PRICKLE1: variants seen among roughly 807,000 people sequenced by gnomAD.
The protein encoded by PRICKLE1 is prickle-like protein 1.
In PRICKLE1, 14 loss-of-function variants were observed where a neutral mutation model predicts 70.2. The ratio of observed to expected loss-of-function variants is 0.20; its 90% CI spans 0.13 to 0.31. The LOEUF (loss-of-function observed/expected upper bound fraction) is 0.31. Among genes scored for constraint, PRICKLE1 ranks in the 10% least tolerant of loss-of-function variants. The pLI is 1.00. For missense variants in PRICKLE1, 821 were observed against 1,026.2 expected (o/e 0.80, Z 2.73); for synonymous variants, 357 against 379.9 (o/e 0.94, Z 0.70).
At chr12:42,559,606 G>GTATATATA (rs1202538313) in intron 1 of PRICKLE1, among the ~76,000 whole-genome samples, 3 of 110,688 alleles carry the variant, frequency 2.7e-5, no homozygotes, top group Non-Finnish European at 5.4e-5. Context: ...GTGTGTGTGT[G>GTATATATA]TATATATATA....
intron 1 of PRICKLE1, among the ~76,000 whole-genome samples, chr12:42,580,127 G>A (rs532281380): frequency 1.3e-5 from 2 of 151,948 alleles, no homozygotes; most frequent in African/African-American, 2.4e-5. Context: ...TGCCTGCCTC[G>A]GCCTCCCAAA....
At chr12:42,524,131 C>T (rs1186807803) in intron 1 of PRICKLE1, among the ~76,000 whole-genome samples, 1 of 152,196 alleles carries the variant, frequency 6.6e-6, no homozygotes, top group Non-Finnish European at 1.5e-5. Context: ...ACAGCAAGCA[C>T]ATGTACAAGC....
chr12:42,501,199 T>C (rs1179600393), intron 1 of PRICKLE1, among the ~76,000 whole-genome samples: 1 of 129,204 alleles, frequency 7.7e-6, no homozygotes, highest in Non-Finnish European at 1.8e-5. Flanking sequence ...GAGCCACCGC[T>C]CAAAACATAA....
At chr12:42,556,857 C>A (rs1430110626) in intron 1 of PRICKLE1, among the ~76,000 whole-genome samples, 5 of 152,130 alleles carry the variant, frequency 3.3e-5, no homozygotes, top group Non-Finnish European at 7.4e-5. Context: ...CTTTGCTCAA[C>A]AATTATTTCT....
chr12:42,542,139 C>G (rs1940128972), intron 1 of PRICKLE1, among the ~76,000 whole-genome samples: 1 of 152,196 alleles, frequency 6.6e-6, no homozygotes, highest in Admixed American at 6.5e-5. Flanking sequence ...TCCCTCATCA[C>G]TCTACGAACA....
chr12:42,576,830 T>C (rs545061397), intron 1 of PRICKLE1, among the ~76,000 whole-genome samples: 1 of 152,264 alleles, frequency 6.6e-6, no homozygotes, highest in South Asian at 2.1e-4. Context: ...GAAAAGTGAG[T>C]GATTTAATTA....
At chr12:42,561,681 C>T (rs1174897706) in intron 1 of PRICKLE1, among the ~76,000 whole-genome samples, 1 of 151,952 alleles carries the variant, frequency 6.6e-6, no homozygotes, top group African/African-American at 2.4e-5. Flanking sequence ...TTTTATTTTC[C>T]ATTTTAGATG....
In PRICKLE1 at chr12:42,589,603, A is replaced by C. The variant is rs1941046827; in HGVS notation, c.-187T>G. The C allele has an allele frequency of 6.6e-6, 1 of 152,664 alleles. No individual in the cohort carries two copies. The highest frequency in any genetic ancestry group is 2.4e-5 in the African/African-American group (1 of 41,392). The allele number at this position is 152,664 out of a possible 1,614,324, so 9.5% of individuals were successfully genotyped here. On this transcript the variant is annotated 5_prime_UTR_variant, in exon 1 of 8. Transcript: ENST00000345127. This position sits in a 1 kb window ranked among gnomAD's most constrained non-coding sequence, Gnocchi z 5.0. ...AGGGTGAGCAGCGCACGAACCATCC[A>C]GAGCCCAGAAAGTCTCCGTGCCGAC...
chr12:42,522,139 C>A (rs538285961), intron 1 of PRICKLE1, among the ~76,000 whole-genome samples: 1 of 152,218 alleles, frequency 6.6e-6, no homozygotes, highest in East Asian at 1.9e-4. Flanking sequence ...CCATGCCCAA[C>A]TAATTTTTGT....
At position 42,517,335 on chromosome 12, in the gene PRICKLE1, C is replaced by CA. The variant is rs1209509735; in HGVS notation, c.-48-44772dup. ...TTTTTTTTTTTTTTTTTTTTTGAGA[C>CA]AGAGTCTTGCTCTGTAGCCCAGGTT... On this transcript the variant is annotated intron_variant, in intron 1 of 7. Transcript: ENST00000345127. 2.8e-4 allele frequency among the ~76,000 whole-genome samples: 20 copies of CA among 72,286 alleles called. No homozygotes were observed. In the East Asian group the frequency reaches 5.8e-3, roughly 21 times the overall value. The allele number at this position is 72,286 out of a possible 152,430, so 47.4% of individuals were successfully genotyped here.
At chr12:42,544,406 T>C (rs1378514477) in intron 1 of PRICKLE1, among the ~76,000 whole-genome samples, 3 of 152,256 alleles carry the variant, frequency 2.0e-5, no homozygotes, top group African/African-American at 7.2e-5. Flanking sequence ...GTTGTATTTG[T>C]CATCTATCAT....
rs368664984 is a variant in PRICKLE1, at chr12:42,460,501, A to C, written c.1804T>G (p.Leu602Val). The C allele has an allele frequency of 1.8e-5, 29 of 1,613,616 alleles. No homozygotes were observed. Among genetic ancestry groups the C allele is most frequent in the Non-Finnish European group, 2.5e-5 (29 of 1,179,754 alleles). ...TCAGGCAGGATTTTCTCTGGACACA[A>C]CTCTGAACTTAGACTCTTTAAGGAC... ...AESLKSLSSE[L>V]CPEKILPEEK... Residue 602 changes from leucine (L) to valine (V), a missense_variant, in exon 8 of 8, where the codon TTG becomes GTG. Transcript: ENST00000345127.
intron 1 of PRICKLE1, among the ~76,000 whole-genome samples, chr12:42,477,504 A>G (rs61924380): frequency 0.047 from 1,185 of 25,468 alleles, 27 homozygotes; most frequent in Non-Finnish European, 0.056. Flanking sequence ...ATATATATAT[A>G]TATATATATA....
At chr12:42,580,676 C>A (rs1230343129) in intron 1 of PRICKLE1, among the ~76,000 whole-genome samples, 1 of 152,160 alleles carries the variant, frequency 6.6e-6, no homozygotes, top group Non-Finnish European at 1.5e-5. Context: ...CAAGTTTCTA[C>A]TATGCGCCAG....
rs71281675 is a variant in PRICKLE1, at chr12:42,545,856, GA to G, written c.-49+43608del. Among the ~76,000 whole-genome samples, 539 of 94,648 alleles carry G rather than the reference GA, an allele frequency of 5.7e-3. 5 individuals carry two copies. Among genetic ancestry groups the G allele is most frequent in the South Asian group, 0.051 (153 of 3,008 alleles). The allele number at this position is 94,648 out of a possible 152,430, so 62.1% of individuals were successfully genotyped here. A position where few individuals can be genotyped will look rare whatever the true frequency, so the allele number is the denominator to read the frequency against. ...CAGAGCAAGACTCCGTCTCAAAAAAGAAAAAAAAAAAATATATATATGGAAG... is the reference window on the plus strand; with the variant it reads ...CAGAGCAAGACTCCGTCTCAAAAAAGAAAAAAAAAAATATATATATGGAAG... On this transcript the variant is annotated intron_variant, in intron 1 of 7. Coordinates refer to ENST00000345127, the MANE Select transcript of PRICKLE1 (RefSeq NM_153026.3).
At chr12:42,584,908 G>A (rs1338666014) in intron 1 of PRICKLE1, among the ~76,000 whole-genome samples, 3 of 152,164 alleles carry the variant, frequency 2.0e-5, no homozygotes, top group Non-Finnish European at 4.4e-5. Context: ...ATGAGAAAAG[G>A]ACACAGAGAG....
At chr12:42,565,373 T>G (rs1363683528) in intron 1 of PRICKLE1, among the ~76,000 whole-genome samples, 1 of 152,178 alleles carries the variant, frequency 6.6e-6, no homozygotes, top group Non-Finnish European at 1.5e-5. Flanking sequence ...AGTACTTCTC[T>G]CAAGAGAGAT....
intron 1 of PRICKLE1, among the ~76,000 whole-genome samples, chr12:42,575,710 A>C (rs142771625): frequency 3.3e-5 from 5 of 152,154 alleles, no homozygotes; most frequent in African/African-American, 1.2e-4. Flanking sequence ...AAATAAAAAA[A>C]AAAATAAAAA....
At chr12:42,527,973 C>A (rs11181542) in intron 1 of PRICKLE1, among the ~76,000 whole-genome samples, 2,933 of 9,804 alleles carry the variant, frequency 0.3, 604 homozygotes, top group East Asian at 0.39. Context: ...ATATATATAT[C>A]TCCAAAGTTT....
Sources: gnomAD v4.1 joint callset for allele counts (sites outside exome capture counted in the v4.1 genomes callset) on GRCh38, gnomAD v4.1.1 for gene constraint, Gnocchi (gnomAD v3.1) non-coding constraint, MANE v1.5 for transcripts, NCBI Gene and HGNC (gene_info 2026-07-23, HGNC 2026-07-21) for gene names.